Variants in LTN1 observed in about 807,000 individuals in gnomAD.
The protein encoded by LTN1 is listerin E3 ubiquitin protein ligase 1.
Under a neutral mutation model 201.2 loss-of-function variants are expected in LTN1, and 88 were observed. That is an observed-to-expected ratio of 0.44 (90% confidence interval 0.37 to 0.52). LTN1 has a LOEUF of 0.52. Ranked by LOEUF, LTN1 falls within the 20% of genes least tolerant of loss-of-function variation. The pLI, the probability that LTN1 is intolerant of heterozygous loss-of-function variation, is 0.00. For synonymous variants in LTN1, 645 were observed against 713.5 expected (o/e 0.90, Z 1.53); for missense variants, 1,752 against 2,038.7 (o/e 0.86, Z 2.71).
Position 28,947,455 on chromosome 21 carries a change from G to A in LTN1, c.3487+9C>T, listed in dbSNP as rs1159893615. On this transcript the variant is annotated intron_variant, in intron 19 of 29. Transcript: ENST00000361371. ...AAATTAATGAAATATTTATTATCAA[G>A]CAACTAACCATTAGTGCTGCAAAGA... 2 of 1,504,626 alleles carry A rather than the reference G, an allele frequency of 1.3e-6. No homozygotes were observed. Among genetic ancestry groups the A allele is most frequent in the Non-Finnish European group, 1.8e-6 (2 of 1,133,250 alleles). 93.2% of individuals were successfully genotyped at this position (1,504,626 alleles called of 1,614,324 possible).
chr21:28,946,369 A>C (rs1461373776), intron 19 of LTN1, 82 bp from the exon 20 acceptor site: 10 of 891,682 alleles, frequency 1.1e-5, no homozygotes, highest in African/African-American at 7.0e-5. Flanking sequence ...TTTGAGAAGT[A>C]AAAGACTTTC....
intron 16 of LTN1, among the ~76,000 whole-genome samples, chr21:28,955,663 T>G (rs1255224874): frequency 2.6e-5 from 4 of 151,452 alleles, no homozygotes; most frequent in Admixed American, 6.6e-5. Context: ...GGTAGCTCAC[T>G]TCTATAATCC....
chr21:28,986,845 G>C lies in LTN1; in HGVS notation c.132C>G (p.Asp44Glu). 1 of 1,613,820 alleles carries C rather than the reference G, an allele frequency of 6.2e-7. No homozygotes were observed. Among genetic ancestry groups the C allele is most frequent in the Non-Finnish European group, 8.5e-7 (1 of 1,179,750 alleles). ...GFIGFGTSQS[D>E]LGYVPAIQGA... The stretch of plus-strand genomic sequence containing the variant: ...CTTGAATAGCAGGAACATAGCCTAG[G>C]TCACTCTGAGATGTTCCAAAACCAA... The change falls in exon 2 of 30, where the codon GAC becomes GAG. Residue 44 changes from aspartate to glutamate, a missense_variant. Physicochemically the swap from Asp to Glu is conservative, Grantham distance 45 (BLOSUM62 2). This residue lies in a region of LTN1 where 280 missense variants were observed against 375.7 expected (regional missense o/e 0.75). Transcript: ENST00000361371. This position sits in a 1 kb window ranked among gnomAD's most constrained non-coding sequence, Gnocchi z 4.1.
At chr21:28,936,725 A>T (rs1220893917) in intron 25 of LTN1, 28 bp from the exon 26 acceptor site, 1 of 1,571,344 alleles carries the variant, frequency 6.4e-7, no homozygotes, top group Admixed American at 1.7e-5. Flanking sequence ...ATTTGTTAGT[A>T]AACCAAATAC....
At chr21:28,971,530 C>A in intron 6 of LTN1, 86 bp from the exon 7 acceptor site, 1 of 1,180,658 alleles carries the variant, frequency 8.5e-7, no homozygotes, top group Non-Finnish European at 1.2e-6. Flanking sequence ...ATTATTCACA[C>A]TAACCCTCCC....
intron 15 of LTN1, 123 bp downstream of exon 15, chr21:28,957,209 G>C: frequency 1.0e-6 from 1 of 971,560 alleles, no homozygotes; most frequent in Non-Finnish European, 1.5e-6. Context: ...AGCATACAAA[G>C]ACATCAAAGC....
At chr21:28,936,435 G>GTAA in intron 26 of LTN1, 91 bp downstream of exon 26, 1 of 1,034,064 alleles carries the variant, frequency 9.7e-7, no homozygotes, top group Admixed American at 2.4e-5. Context: ...CCCACCTTTG[G>GTAA]GGTTATTCTC....
intron 1 of LTN1, among the ~76,000 whole-genome samples, chr21:28,989,964 C>T (rs1052415455): frequency 3.3e-5 from 5 of 150,794 alleles, no homozygotes; most frequent in South Asian, 2.1e-4. Flanking sequence ...TGCAGTGACC[C>T]GAGACTCTGT....
intron 1 of LTN1, among the ~76,000 whole-genome samples, chr21:28,988,909 G>C (rs1279472456): frequency 6.6e-6 from 1 of 151,576 alleles, no homozygotes; most frequent in Non-Finnish European, 1.5e-5. Flanking sequence ...AGATTGCAGT[G>C]AGTCGAGATT....
At position 28,966,942 on chromosome 21, in the gene LTN1, T is replaced by G. The variant is rs1358924767; in HGVS notation, c.1549A>C (p.Asn517His). ...GGCTTCTGAAGCACCTGTAATAGGT[T>G]AGATACACCCAAAACGGACTCAACA... ...ADVESVLGVS[N>H]LLQVLQKPKS... Residue 517 changes from asparagine to histidine, a missense_variant, in exon 10 of 30, where the codon AAC becomes CAC. Asn to His is a moderately conservative substitution (Grantham distance 68). Around this residue, in one of 3 missense-constraint regions of LTN1, gnomAD observed 1,211 missense variants for 1,312.8 expected, o/e 0.92. Transcript: ENST00000361371. 3.1e-6 allele frequency: 5 copies of G among 1,613,896 alleles called. No individual in the cohort carries two copies. Among genetic ancestry groups the G allele is most frequent in the Non-Finnish European group, 4.2e-6 (5 of 1,179,996 alleles).
intron 6 of LTN1, among the ~76,000 whole-genome samples, chr21:28,980,202 C>A (rs1284102239): frequency 6.6e-6 from 1 of 151,814 alleles, no homozygotes; most frequent in African/African-American, 2.4e-5. Flanking sequence ...AGCAGCAGCA[C>A]TGAAGTGCTG....
At chr21:28,962,101 T>C (rs1249168602) in intron 11 of LTN1, among the ~76,000 whole-genome samples, 1 of 152,254 alleles carries the variant, frequency 6.6e-6, no homozygotes, top group Admixed American at 6.5e-5. Flanking sequence ...TAGATGGCTG[T>C]GATACCTGTT....
At chr21:28,937,943 T>A (rs1205219593) in intron 25 of LTN1, among the ~76,000 whole-genome samples, 1 of 152,106 alleles carries the variant, frequency 6.6e-6, no homozygotes, top group Non-Finnish European at 1.5e-5. Context: ...ACTTGTGCAG[T>A]AAGTACTATT....
chr21:28,979,893 A>C (rs1349547316), intron 6 of LTN1, among the ~76,000 whole-genome samples: 2 of 152,146 alleles, frequency 1.3e-5, no homozygotes, highest in Non-Finnish European at 2.9e-5. Flanking sequence ...AATCACTCAA[A>C]CCCAGGAGGC....
intron 6 of LTN1, among the ~76,000 whole-genome samples, chr21:28,974,984 C>CA (rs140506239): frequency 0.12 from 17,116 of 146,802 alleles, 1,231 homozygotes; most frequent in East Asian, 0.39. Context: ...TGCCTCCTAA[C>CA]AAAAAAAAAA....
rs2084574431 is a variant in LTN1, at chr21:28,971,462, T to A, written c.811-18A>T. The A allele has an allele frequency of 6.2e-7, 1 of 1,608,796 alleles. No homozygotes were observed. The highest frequency in any genetic ancestry group is 2.2e-5 in the East Asian group (1 of 44,698). On this transcript the variant is annotated intron_variant, in intron 6 of 29. Transcript: ENST00000361371. ...GAGCGAATCTAAAAGAATGCAAAGC[T>A]GAATTAAATTAAAACCTAGTAAAAC... is the stretch of plus-strand genomic sequence containing the variant.
At position 28,932,456 on chromosome 21, in the gene LTN1, A is replaced by G. The variant is rs748599194; in HGVS notation, c.5070+14T>C. 3 of 1,608,456 alleles carry G rather than the reference A, an allele frequency of 1.9e-6. No individual in the cohort carries two copies. The highest frequency in any genetic ancestry group is 2.5e-6 in the Non-Finnish European group (3 of 1,177,544). On this transcript the variant is annotated intron_variant, in intron 28 of 29. Transcript: ENST00000361371. ...TCCAAGTTTGTAAAGCCAAATGTGTAAACAGAAACTTACCTGATGGGTGAG... is the reference window on the plus strand; with the variant it reads ...TCCAAGTTTGTAAAGCCAAATGTGTGAACAGAAACTTACCTGATGGGTGAG...
At chr21:28,977,358 A>T (rs141481525) in intron 6 of LTN1, among the ~76,000 whole-genome samples, 1 of 144,148 alleles carries the variant, frequency 6.9e-6, no homozygotes, top group Non-Finnish European at 1.5e-5. Flanking sequence ...TGGGCAACAG[A>T]GTGAGACTCC....
At chr21:28,968,605 C>T (rs2084545501) in intron 9 of LTN1, among the ~76,000 whole-genome samples, 1 of 151,914 alleles carries the variant, frequency 6.6e-6, no homozygotes, top group Non-Finnish European at 1.5e-5. Context: ...TTCTGCTTTG[C>T]ATTACATCTT....
Sources: allele counts gnomAD v4.1 joint callset (sites outside exome capture counted in the v4.1 genomes callset), GRCh38; gene constraint gnomAD v4.1.1; regional missense constraint gnomAD v4.1.1; non-coding constraint Gnocchi (gnomAD v3.1); transcripts MANE v1.5; gene names NCBI Gene and HGNC (gene_info 2026-07-23, HGNC 2026-07-21).